Variants in WDR27 observed in about 807,000 individuals in gnomAD.
WDR27 encodes the protein WD repeat domain 27.
Under a neutral mutation model 114.4 loss-of-function variants are expected in WDR27, and 100 were observed. That is an observed-to-expected ratio of 0.87 (90% CI 0.74 to 1.03). The LOEUF (loss-of-function observed/expected upper bound fraction) is 1.03. WDR27 is among the 50% of genes least tolerant of loss of function. WDR27 has a pLI of 0.00. For missense variants in WDR27, 1,129 were observed against 1,092.9 expected (o/e 1.03, Z -0.47); for synonymous variants, 449 against 423.1 (o/e 1.06, Z -0.75).
intron 25 of WDR27, among the ~76,000 whole-genome samples, chr6:169,459,032 A>C (rs1784610156): frequency 6.6e-6 from 1 of 152,160 alleles, no homozygotes; most frequent in Non-Finnish European, 1.5e-5. Flanking sequence ...TCAACTGTCA[A>C]GTTTTCAATT....
At chr6:169,509,848 A>G (rs1302563800) in intron 25 of WDR27, among the ~76,000 whole-genome samples, 1 of 152,268 alleles carries the variant, frequency 6.6e-6, no homozygotes, top group Non-Finnish European at 1.5e-5. Flanking sequence ...CAGGCAACCT[A>G]CAGAATGGGA....
intron 25 of WDR27, among the ~76,000 whole-genome samples, chr6:169,493,936 A>T (rs1486488474): frequency 6.6e-6 from 1 of 152,232 alleles, no homozygotes; most frequent in African/African-American, 2.4e-5. Flanking sequence ...TATGAGATAA[A>T]AATATAATTC....
At chr6:169,688,584 G>A (rs1403393879) in intron 2 of WDR27, among the ~76,000 whole-genome samples, 1 of 151,970 alleles carries the variant, frequency 6.6e-6, no homozygotes, top group Non-Finnish European at 1.5e-5. Context: ...GTTTCTTACT[G>A]AAGAAACTTA....
intron 25 of WDR27, among the ~76,000 whole-genome samples, chr6:169,515,188 G>A (rs1050523912): frequency 2.6e-5 from 4 of 151,994 alleles, no homozygotes; most frequent in South Asian, 2.1e-4. Flanking sequence ...ATGACCCACC[G>A]AGTCCTGTCC....
At chr6:169,640,383 G>A (rs946433400) in intron 17 of WDR27, among the ~76,000 whole-genome samples, 3 of 152,322 alleles carry the variant, frequency 2.0e-5, no homozygotes, top group East Asian at 1.9e-4. Context: ...GCAACAGGAC[G>A]CCAGGAAACG....
At chr6:169,541,840 C>A (rs999786206) in intron 25 of WDR27, among the ~76,000 whole-genome samples, 4 of 152,124 alleles carry the variant, frequency 2.6e-5, no homozygotes, top group African/African-American at 2.4e-5. Context: ...GATGATAAAT[C>A]TTAACATGGT....
At chr6:169,517,550 A>T (rs1793830565) in intron 25 of WDR27, among the ~76,000 whole-genome samples, 1 of 152,174 alleles carries the variant, frequency 6.6e-6, no homozygotes, top group African/African-American at 2.4e-5. Flanking sequence ...CATTTATGCT[A>T]TCTTTTATAT....
At chr6:169,614,338 C>A (rs1200918270) in intron 21 of WDR27, among the ~76,000 whole-genome samples, 1 of 152,108 alleles carries the variant, frequency 6.6e-6, no homozygotes. Flanking sequence ...TACAAGTCAT[C>A]CTTCATTTGC....
At chr6:169,429,440 T>TTC in the WDR27 span, among the ~76,000 whole-genome samples, 2 of 151,898 alleles carry the variant, frequency 1.3e-5, no homozygotes, top group Non-Finnish European at 2.9e-5. Context: ...CTTTTTTTTT[T>TTC]TTTTTCCCAA....
At position 169,457,257 on chromosome 6, in the gene WDR27, T is replaced by C. The variant is rs1246441434; in HGVS notation, c.*335A>G. 1 of 204,192 alleles carries C rather than the reference T, an allele frequency of 4.9e-6. No individual in the cohort carries two copies. The highest frequency in any genetic ancestry group is 2.3e-5 in the African/African-American group (1 of 42,830). 12.6% of individuals were successfully genotyped at this position (204,192 alleles called of 1,614,324 possible). ...TCACTGCCCAAAAGAAATTCTCTCT[T>C]TTTTCTTCCAACTCTAATTATCAAA... On this transcript the variant is annotated 3_prime_UTR_variant, in exon 26 of 26. Transcript: ENST00000448612.
intron 25 of WDR27, among the ~76,000 whole-genome samples, chr6:169,469,067 G>T (rs149642067): frequency 5.9e-5 from 9 of 152,238 alleles, no homozygotes; most frequent in African/African-American, 2.2e-4. Flanking sequence ...AGTCATACTG[G>T]GGGTTGGGCC....
rs369797685 is a variant in WDR27, at chr6:169,645,036, TA to T, written c.1658-1251del. On this transcript the variant is annotated intron_variant, in intron 16 of 25. Transcript: ENST00000448612. ...AAAAAAAAAAAATAAAAAAAAAAAA[TA>T]AAAAAAAAAAAAAAAAAAAAAGAAA... Among the ~76,000 whole-genome samples, 336 of 76,958 alleles carry T rather than the reference TA, an allele frequency of 4.4e-3. 6 individuals carry two copies. The highest frequency in any genetic ancestry group is 0.02 in the Middle Eastern group (2 of 102). 50.5% of individuals were successfully genotyped at this position (76,958 alleles called of 152,430 possible). A position where few individuals can be genotyped will look rare whatever the true frequency, so the allele number is the denominator to read the frequency against.
intron 25 of WDR27, among the ~76,000 whole-genome samples, chr6:169,553,044 A>G (rs1299693824): frequency 1.2e-3 from 35 of 28,364 alleles, no homozygotes; most frequent in Admixed American, 2.5e-3. Context: ...GGAGGTGGGG[A>G]GGGCCTGGAG....
At chr6:169,612,631 TAA>T (rs59134868) in intron 22 of WDR27, among the ~76,000 whole-genome samples, 1 of 97,024 alleles carries the variant, frequency 1.0e-5, no homozygotes, top group Non-Finnish European at 1.9e-5. Context: ...CTGTCTAACA[TAA>T]AAAAAAAAAA....
chr6:169,688,207 T>C (rs1434108609), intron 2 of WDR27, among the ~76,000 whole-genome samples: 1 of 152,108 alleles, frequency 6.6e-6, no homozygotes, highest in Non-Finnish European at 1.5e-5. Flanking sequence ...TGTGTAGCAA[T>C]GAAAATGAAC....
chr6:169,645,947 T>C (rs1288319290), intron 16 of WDR27, among the ~76,000 whole-genome samples: 1 of 151,802 alleles, frequency 6.6e-6, no homozygotes, highest in African/African-American at 2.4e-5. Context: ...GGAGTCACAC[T>C]GTAGGAAATC....
chr6:169,560,859 G>T (rs1214386807), intron 25 of WDR27, among the ~76,000 whole-genome samples: 1 of 152,042 alleles, frequency 6.6e-6, no homozygotes, highest in African/African-American at 2.4e-5. Context: ...ACCTACTTAA[G>T]GGACAGAAAG....
the WDR27 span, among the ~76,000 whole-genome samples, chr6:169,450,682 T>C: frequency 1.3e-5 from 2 of 152,106 alleles, no homozygotes; most frequent in South Asian, 4.2e-4. Flanking sequence ...TAGTCAGAGG[T>C]GGTTTGAGTG....
At chr6:169,667,603 C>T (rs892390681) in intron 5 of WDR27, among the ~76,000 whole-genome samples, 10 of 152,198 alleles carry the variant, frequency 6.6e-5, no homozygotes, top group Middle Eastern at 3.2e-3. Flanking sequence ...AAACTGAATT[C>T]GCATTCCATT....
Sources: allele counts gnomAD v4.1 joint callset (sites outside exome capture counted in the v4.1 genomes callset), GRCh38; gene constraint gnomAD v4.1.1; transcripts MANE v1.5; gene names NCBI Gene and HGNC (gene_info 2026-07-23, HGNC 2026-07-21).